OPCML: variants seen among roughly 807,000 people sequenced by gnomAD.
OPCML encodes the protein opioid binding protein/cell adhesion molecule like.
A neutral mutation model predicts 37.8 loss-of-function variants in OPCML; 13 were observed. That is an observed-to-expected ratio of 0.34 (90% CI 0.22 to 0.55). The LOEUF is 0.55. Ranked by LOEUF, OPCML falls within the 20% of genes least tolerant of loss-of-function variation. The pLI is 0.91. For missense variants in OPCML, 341 were observed against 435.6 expected, an observed-to-expected ratio of 0.78 and a Z score of 1.93; for synonymous variants, 176 against 168.8, an observed-to-expected ratio of 1.04 and a Z score of -0.33.
At chr11:133,142,528 A>G (rs79460412) in intron 1 of OPCML, among the ~76,000 whole-genome samples, 4,842 of 152,298 alleles carry the variant, frequency 0.032, 254 homozygotes, top group African/African-American at 0.11. Context: ...TACAAACTAC[A>G]AATACTAACT....
intron 2 of OPCML, among the ~76,000 whole-genome samples, chr11:132,747,503 T>G (rs1945672035): frequency 6.6e-6 from 1 of 152,114 alleles, no homozygotes; most frequent in African/African-American, 2.4e-5. Flanking sequence ...CACAGAGAAA[T>G]TTTGGTGACT....
At chr11:133,062,471 T>C (rs1465919462) in intron 1 of OPCML, among the ~76,000 whole-genome samples, 1 of 152,180 alleles carries the variant, frequency 6.6e-6, no homozygotes, top group Non-Finnish European at 1.5e-5. Context: ...GCAAATGATA[T>C]CATTTAATAG....
chr11:133,408,272 CCA>C (rs1334784168), intron 1 of OPCML, among the ~76,000 whole-genome samples: 2 of 152,102 alleles, frequency 1.3e-5, no homozygotes, highest in African/African-American at 4.8e-5. Flanking sequence ...TAATATTTAC[CCA>C]GTCTTTGGTG....
intron 3 of OPCML, among the ~76,000 whole-genome samples, chr11:132,636,601 C>T (rs960597615): frequency 1.5e-4 from 23 of 152,224 alleles, no homozygotes; most frequent in Middle Eastern, 3.4e-3. Context: ...AAAGAAATAG[C>T]GAATGTGAGG....
intron 3 of OPCML, among the ~76,000 whole-genome samples, chr11:132,614,845 T>C (rs1289721728): frequency 6.6e-6 from 1 of 152,214 alleles, no homozygotes; most frequent in Non-Finnish European, 1.5e-5. Context: ...GAAAGTCCAA[T>C]AACATACTGA....
chr11:133,232,415 T>C (rs766075580), intron 1 of OPCML, among the ~76,000 whole-genome samples: 8 of 152,186 alleles, frequency 5.3e-5, no homozygotes, highest in Non-Finnish European at 1.0e-4. Flanking sequence ...ATGTCATAGC[T>C]TTATTGTGAG....
chr11:133,276,282 T>C (rs546187135), intron 1 of OPCML, among the ~76,000 whole-genome samples: 99 of 152,178 alleles, frequency 6.5e-4, no homozygotes, highest in African/African-American at 2.2e-3. Flanking sequence ...GTGGAAGAGA[T>C]TGAAGATTTA....
chr11:132,619,002 G>A (rs962785837), intron 3 of OPCML, among the ~76,000 whole-genome samples: 1 of 145,996 alleles, frequency 6.8e-6, no homozygotes, highest in East Asian at 2.0e-4. Flanking sequence ...CACACACACC[G>A]TGTTTAGAAT....
At chr11:133,003,734 T>C (rs777345669) in intron 1 of OPCML, 8 of 985,420 alleles carry the variant, frequency 8.1e-6, no homozygotes, top group Non-Finnish European at 9.6e-6. Context: ...AATATCTGAC[T>C]TCCTGGAGGC....
rs11389495 is a variant in OPCML, at chr11:132,730,008, CTTTTTTT to C, written c.147-72696_147-72690del. On this transcript the variant is annotated intron_variant, in intron 2 of 7. Coordinates refer to ENST00000524381, the MANE Select transcript of OPCML (RefSeq NM_001012393.5). Reference sequence around the variant, plus strand: ...TTTACCAATGCAGTCTTCTATGTGACTTTTTTTTTTTTTTTTTTTTTTTGAGACAGAG... The same window carrying C: ...TTTACCAATGCAGTCTTCTATGTGACTTTTTTTTTTTTTTTTGAGACAGAG... 6.8e-5 allele frequency among the ~76,000 whole-genome samples: 6 copies of C among 88,472 alleles called. No homozygotes were observed. The Admixed American group carries it at 9.6e-4, about 14-fold the overall frequency. The allele number at this position is 88,472 out of a possible 152,430, so 58.0% of individuals were successfully genotyped here.
intron 1 of OPCML, among the ~76,000 whole-genome samples, chr11:133,022,921 T>A (rs1947480039): frequency 6.6e-6 from 1 of 152,204 alleles, no homozygotes; most frequent in African/African-American, 2.4e-5. Flanking sequence ...TCATGGGCTC[T>A]TGCTAGCAAT....
At chr11:132,742,938 G>T (rs1945483514) in intron 2 of OPCML, among the ~76,000 whole-genome samples, 1 of 151,978 alleles carries the variant, frequency 6.6e-6, no homozygotes, top group Non-Finnish European at 1.5e-5. Context: ...GGTTGAGTCG[G>T]AATTCCAGGT....
chr11:132,994,475 G>A (rs1034467974), intron 1 of OPCML, among the ~76,000 whole-genome samples: 1 of 152,102 alleles, frequency 6.6e-6, no homozygotes, highest in African/African-American at 2.4e-5. Context: ...GGGTACCAGG[G>A]CTGCCTGGAA....
chr11:133,300,463 C>T (rs955968428), intron 1 of OPCML: 1 of 152,176 alleles, frequency 6.6e-6, no homozygotes, highest in East Asian at 1.9e-4. Flanking sequence ...CAAATTCTGC[C>T]TATTCTTTCA....
chr11:132,438,699 CAGGGTGT>C (rs2096021601), intron 4 of OPCML, among the ~76,000 whole-genome samples: 1 of 150,022 alleles, frequency 6.7e-6, no homozygotes, highest in South Asian at 2.1e-4. Context: ...GGCCAGTGTG[CAGGGTGT>C]AGGGTGTGCA....
chr11:132,459,387 TTC>T (rs146884367), intron 4 of OPCML, among the ~76,000 whole-genome samples: 99 of 142,502 alleles, frequency 6.9e-4, no homozygotes, highest in Middle Eastern at 3.5e-3. Context: ...GCCAATTCCT[TTC>T]TCTCTCTCTC....
intron 4 of OPCML, among the ~76,000 whole-genome samples, chr11:132,520,674 A>ATATATATGTGTGTG (rs10630619): frequency 0.36 from 45,832 of 127,750 alleles, 9,493 homozygotes; most frequent in Non-Finnish European, 0.51. Flanking sequence ...CTAAATATAT[A>ATATATATGTGTGTG]TGTGTGTGTG....
At chr11:132,473,369 G>A (rs2096144183) in intron 4 of OPCML, among the ~76,000 whole-genome samples, 1 of 152,218 alleles carries the variant, frequency 6.6e-6, no homozygotes, top group Non-Finnish European at 1.5e-5. Context: ...GACCCAATCT[G>A]TAAGTGAGGC....
intron 1 of OPCML, among the ~76,000 whole-genome samples, chr11:133,341,326 C>T (rs1048403820): frequency 6.6e-6 from 1 of 152,214 alleles, no homozygotes; most frequent in Non-Finnish European, 1.5e-5. Context: ...TGAGTCTCAG[C>T]CTTCTCATGT....
Sources: gnomAD v4.1 joint callset for allele counts (sites outside exome capture counted in the v4.1 genomes callset) on GRCh38, gnomAD v4.1.1 for gene constraint, MANE v1.5 for transcripts, NCBI Gene and HGNC (gene_info 2026-07-23, HGNC 2026-07-21) for gene names.